The following APOBEC2 variants were observed in gnomAD, a reference collection of about 807,000 sequenced individuals.
The protein encoded by APOBEC2 is C->U-editing enzyme APOBEC-2.
A neutral mutation model predicts 19.4 loss-of-function variants in APOBEC2; 14 were observed. That is an observed-to-expected ratio of 0.72 (90% CI 0.48 to 1.13). The LOEUF (loss-of-function observed/expected upper bound fraction) is 1.13. Ranked by LOEUF, APOBEC2 falls within the 50% of genes most tolerant of loss-of-function variation. APOBEC2 has a pLI of 0.00. For missense variants in APOBEC2, 304 were observed against 277.0 expected (o/e 1.10, Z -0.69); for synonymous variants, 127 against 112.1 (o/e 1.13, Z -0.84).
intron 1 of APOBEC2, among the ~76,000 whole-genome samples, chr6:41,057,445 G>A (rs983230468): frequency 1.3e-5 from 2 of 152,124 alleles, no homozygotes; most frequent in Non-Finnish European, 1.5e-5. Flanking sequence ...TTTCCCTTGG[G>A]CAAAATCCCA....
At position 41,061,707 on chromosome 6, in the gene APOBEC2, G is replaced by C; in HGVS notation, c.511G>C (p.Glu171Gln). 1 of 1,614,256 alleles carries C rather than the reference G, an allele frequency of 6.2e-7. No homozygotes were observed. The highest frequency in any genetic ancestry group is 1.1e-5 in the South Asian group (1 of 91,090). ...CCAGGCTGCTCTGAAGAAGCTGAAG[G>C]AGGCTGGCTGTAAACTGCGCATCAT... ...EIQAALKKLK[E>Q]AGCKLRIMKP... is the part of the protein sequence containing the mutation. The change falls in exon 2 of 3, where the codon GAG becomes CAG. Residue 171 changes from glutamate (E) to glutamine (Q), a missense_variant. Transcript: ENST00000244669.
At chr6:41,054,993 T>C (rs922645541) in intron 1 of APOBEC2, among the ~76,000 whole-genome samples, 1 of 152,206 alleles carries the variant, frequency 6.6e-6, no homozygotes, top group Non-Finnish European at 1.5e-5. Context: ...TCCACTGATA[T>C]AACTTACATT....
chr6:41,059,828 C>T (rs1187664844), intron 1 of APOBEC2, among the ~76,000 whole-genome samples: 1 of 152,164 alleles, frequency 6.6e-6, no homozygotes, highest in African/African-American at 2.4e-5. Context: ...TCCCCTGCAG[C>T]CCAGGGAGTC....
rs909526520 is a variant in APOBEC2, at chr6:41,064,837, T to C, written c.*758T>C. On this transcript the variant is annotated 3_prime_UTR_variant, in exon 3 of 3. Coordinates refer to ENST00000244669, the MANE Select transcript of APOBEC2 (RefSeq NM_006789.4). The stretch of plus-strand genomic sequence containing the variant: ...CGGGTGAAAAGTAGTAGTTTAATGT[T>C]CAGATATACAATCATTTAAAAGTAT... 6.6e-6 allele frequency: 1 copy of C among 152,144 alleles called. No individual in the cohort carries two copies. The highest frequency in any genetic ancestry group is 1.5e-5 in the Non-Finnish European group (1 of 68,032). The allele number at this position is 152,144 out of a possible 1,614,324, so 9.4% of individuals were successfully genotyped here.
At chr6:41,057,185 T>A (rs1762807532) in intron 1 of APOBEC2, among the ~76,000 whole-genome samples, 1 of 152,224 alleles carries the variant, frequency 6.6e-6, no homozygotes, top group Non-Finnish European at 1.5e-5. Flanking sequence ...TCTAGCCATG[T>A]AAGGAACACA....
At position 41,064,519 on chromosome 6, in the gene APOBEC2, C is replaced by T. The variant is rs1311867242; in HGVS notation, c.*440C>T. On this transcript the variant is annotated 3_prime_UTR_variant, in exon 3 of 3. Transcript: ENST00000244669. ...AATAAAAGAAGTGGTGTGTTTTTCCCGTGGCCAGATTTTTAAGAAACTTGA... is the reference window on the plus strand; with the variant it reads ...AATAAAAGAAGTGGTGTGTTTTTCCTGTGGCCAGATTTTTAAGAAACTTGA... 6.6e-6 allele frequency: 1 copy of T among 152,090 alleles called. No individual in the cohort carries two copies. The highest frequency in any genetic ancestry group is 2.4e-5 in the African/African-American group (1 of 41,412). 9.4% of individuals were successfully genotyped at this position (152,090 alleles called of 1,614,324 possible). A position where few individuals can be genotyped will look rare whatever the true frequency, so the allele number is the denominator to read the frequency against.
At chr6:41,062,905 T>C (rs1581991895) in intron 2 of APOBEC2, among the ~76,000 whole-genome samples, 1 of 152,180 alleles carries the variant, frequency 6.6e-6, no homozygotes, top group Non-Finnish European at 1.5e-5. Context: ...CCCCAGTTAC[T>C]GATCAAAATC....
At chr6:41,058,264 C>G (rs551245470) in intron 1 of APOBEC2, among the ~76,000 whole-genome samples, 211 of 143,484 alleles carry the variant, frequency 1.5e-3, no homozygotes, top group African/African-American at 5.2e-3. Flanking sequence ...CCACCACCCA[C>G]CACCACCACC....
At chr6:41,063,352 A>G (rs1021896293) in intron 2 of APOBEC2, among the ~76,000 whole-genome samples, 1 of 152,218 alleles carries the variant, frequency 6.6e-6, no homozygotes, top group Non-Finnish European at 1.5e-5. Context: ...CTCTGAGAAT[A>G]TAAAATTTAA....
Position 41,061,497 on chromosome 6 carries a change from G to A in APOBEC2, c.301G>A (p.Glu101Lys), listed in dbSNP as rs1416674804. 1 of 1,614,038 alleles carries A rather than the reference G, an allele frequency of 6.2e-7. No individual in the cohort carries two copies. ...EDEHAAAHAE[E>K]AFFNTILPAF... ...TGAGCATGCGGCTGCCCATGCAGAG[G>A]AAGCTTTCTTCAACACCATCCTGCC... The change falls in exon 2 of 3, where the codon GAA (glutamate) becomes AAA (lysine). Residue 101 changes from glutamate to lysine, a missense_variant. Coordinates refer to ENST00000244669, the MANE Select transcript of APOBEC2 (RefSeq NM_006789.4).
At chr6:41,055,005 G>T (rs935298993) in intron 1 of APOBEC2, among the ~76,000 whole-genome samples, 4 of 152,154 alleles carry the variant, frequency 2.6e-5, no homozygotes, top group African/African-American at 9.7e-5. Context: ...ACTTACATTT[G>T]TCCAGGGCTT....
chr6:41,058,151 C>CCACACACACA (rs375076306), intron 1 of APOBEC2, among the ~76,000 whole-genome samples: 2 of 69,032 alleles, frequency 2.9e-5, no homozygotes, highest in African/African-American at 8.0e-5. Flanking sequence ...CCACCCCACC[C>CCACACACACA]CACACACACA....
chr6:41,055,071 T>C (rs905324693), intron 1 of APOBEC2, among the ~76,000 whole-genome samples: 1 of 151,948 alleles, frequency 6.6e-6, no homozygotes, highest in East Asian at 1.9e-4. Flanking sequence ...AGCACAAAGG[T>C]AGGAGAGGGA....
intron 2 of APOBEC2, 39 bp downstream of exon 2, chr6:41,061,931 T>G: frequency 6.5e-7 from 1 of 1,531,518 alleles, no homozygotes; most frequent in South Asian, 1.2e-5. Context: ...CACTTTATTA[T>G]GTTAACTCCA....
rs953983894 is a variant in APOBEC2 at position 41,064,649 on chromosome 6, A to G, written c.*570A>G. Reference sequence around the variant, plus strand: ...CCAAGACTTGCCTAGACAATGCAGAATAACTCTCCCATACAGACTTCTTAC... The same window carrying G: ...CCAAGACTTGCCTAGACAATGCAGAGTAACTCTCCCATACAGACTTCTTAC... On this transcript the variant is annotated 3_prime_UTR_variant, in exon 3 of 3. Coordinates refer to ENST00000244669, the MANE Select transcript of APOBEC2 (RefSeq NM_006789.4). 2.0e-5 allele frequency: 3 copies of G among 152,192 alleles called. No homozygotes were observed. The highest frequency in any genetic ancestry group is 6.5e-5 in the Admixed American group (1 of 15,280). The allele number at this position is 152,192 out of a possible 1,614,324, so 9.4% of individuals were successfully genotyped here.
At chr6:41,063,589 C>G (rs1241031121) in intron 2 of APOBEC2, among the ~76,000 whole-genome samples, 2 of 121,538 alleles carry the variant, frequency 1.6e-5, no homozygotes, top group Non-Finnish European at 3.2e-5. Flanking sequence ...ATTATCTGGA[C>G]CCATTAACAT....
Position 41,061,649 on chromosome 6 carries a change from G to A in APOBEC2, c.453G>A (p.Val151=). The change falls in exon 2 of 3, where the codon GTG becomes GTA. Residue 151 remains valine (V), a synonymous_variant. Transcript: ENST00000244669. ...KTKNLRLLIL[V]GRLFMWEEPE... ...AGAACCTGCGTCTGCTCATTCTGGT[G>A]GGTCGACTCTTCATGTGGGAGGAGC... The A allele has an allele frequency of 6.2e-7, 1 of 1,614,250 alleles. No individual in the cohort carries two copies. Among genetic ancestry groups the A allele is most frequent in the Non-Finnish European group, 8.5e-7 (1 of 1,180,058 alleles).
rs35254570 is a variant in APOBEC2, at chr6:41,060,419, G to A, written c.132-909G>A. 2.0e-3 allele frequency among the ~76,000 whole-genome samples: 298 copies of A among 152,232 alleles called. 1 individual carries two copies. The highest frequency in any genetic ancestry group is 3.1e-3 in the Non-Finnish European group (211 of 68,008). On this transcript the variant is annotated intron_variant, in intron 1 of 2. Transcript: ENST00000244669. ...CCTCCCGAATCAAGGCCAAACTTTC[G>A]AGAACCTTCATAATACTTCCTTTAC... is the stretch of plus-strand genomic sequence containing the variant.
At chr6:41,055,965 A>G (rs577184001) in intron 1 of APOBEC2, among the ~76,000 whole-genome samples, 5 of 152,270 alleles carry the variant, frequency 3.3e-5, no homozygotes, top group Admixed American at 3.3e-4. Context: ...GATGAGTGTT[A>G]CACTTATCAG....
Sources: allele counts gnomAD v4.1 joint callset (sites outside exome capture counted in the v4.1 genomes callset), GRCh38; gene constraint gnomAD v4.1.1; transcripts MANE v1.5; gene names NCBI Gene and HGNC (gene_info 2026-07-23, HGNC 2026-07-21).